Variants in ITIH5 observed in about 807,000 individuals in gnomAD.
ITIH5 encodes inter-alpha-trypsin inhibitor heavy chain H5.
A neutral mutation model predicts 77.5 loss-of-function variants in ITIH5; 65 were observed. The observed-to-expected ratio is 0.84, with a 90% CI of 0.69 to 1.03. ITIH5 has a LOEUF of 1.03. Ranked by LOEUF, ITIH5 falls within the 50% of genes least tolerant of loss-of-function variation. ITIH5 has a pLI of 0.00. For synonymous variants in ITIH5, 525 were observed against 494.3 expected (o/e 1.06, Z -0.82); for missense variants, 1,208 against 1,213.1 (o/e 1.00, Z 0.06).
chr10:7,602,240 T>C (rs1372831018), intron 7 of ITIH5, among the ~76,000 whole-genome samples: 3 of 152,188 alleles, frequency 2.0e-5, no homozygotes, highest in Non-Finnish European at 4.4e-5. Context: ...ACCACATCTG[T>C]TTTGGGGTCT....
intron 7 of ITIH5, among the ~76,000 whole-genome samples, chr10:7,589,214 T>C (rs1283860546): frequency 1.3e-5 from 2 of 152,164 alleles, no homozygotes; most frequent in East Asian, 1.9e-4. Flanking sequence ...TCCCAGCACT[T>C]TGGGAGGCTG....
At chr10:7,566,718 T>C (rs773041918) in intron 12 of ITIH5, among the ~76,000 whole-genome samples, 2 of 40,678 alleles carry the variant, frequency 4.9e-5, no homozygotes, top group Non-Finnish European at 8.6e-5. Context: ...TGAGATCCTA[T>C]CTCATTAAAA....
Position 7,562,954 on chromosome 10 carries a change from AC to A in ITIH5, c.*128del. Reference sequence around the variant, plus strand: ...CAGACAGACGTCGGATCTATGCTGCACCAGGGGTGGGTCATGGAGTCCAGCT... The same window carrying A: ...CAGACAGACGTCGGATCTATGCTGCACAGGGGTGGGTCATGGAGTCCAGCT... On this transcript the variant is annotated 3_prime_UTR_variant, in exon 14 of 14. Coordinates refer to ENST00000397146, the MANE Select transcript of ITIH5 (RefSeq NM_030569.7). The A allele has an allele frequency of 1.4e-6, 1 of 693,692 alleles. No homozygotes were observed. Among genetic ancestry groups the A allele is most frequent in the Non-Finnish European group, 2.5e-6 (1 of 392,768 alleles). 43.0% of individuals were successfully genotyped at this position (693,692 alleles called of 1,614,324 possible).
intron 6 of ITIH5, 112 bp from the exon 7 acceptor site, chr10:7,616,210 G>C (rs1833363968): frequency 1.5e-6 from 1 of 674,666 alleles, no homozygotes; most frequent in Admixed American, 2.3e-5. Flanking sequence ...AAAGAGTTTA[G>C]GGTGAGATTC....
intron 1 of ITIH5, among the ~76,000 whole-genome samples, chr10:7,666,142 T>G (rs1834357493): frequency 6.6e-6 from 1 of 152,260 alleles, no homozygotes; most frequent in African/African-American, 2.4e-5. Context: ...CGCTTCATAC[T>G]TTTTAAAGAC....
chr10:7,649,547 T>G (rs773368020), intron 2 of ITIH5, among the ~76,000 whole-genome samples: 7 of 152,122 alleles, frequency 4.6e-5, no homozygotes, highest in Admixed American at 2.6e-4. Context: ...GGTAGATAGA[T>G]AGATAGATAG....
At chr10:7,567,126 A>G (rs1413492999) in intron 12 of ITIH5, among the ~76,000 whole-genome samples, 5 of 151,850 alleles carry the variant, frequency 3.3e-5, no homozygotes, top group Non-Finnish European at 7.4e-5. Context: ...ATGTTGGGAT[A>G]GGGGAGAGAG....
In ITIH5 at chr10:7,601,566, G is replaced by A. The variant is rs543753720; in HGVS notation, c.939+14416C>T. 5.8e-4 allele frequency among the ~76,000 whole-genome samples: 88 copies of A among 152,208 alleles called. 2 individuals carry two copies. In the South Asian group the frequency reaches 0.017, roughly 30 times the overall value. ...TCTCAGCAGCATCGACCTCCCTCCT[G>A]GTATCCAGTAGCCAGCATCAAGCAG... is the stretch of plus-strand genomic sequence containing the variant. On this transcript the variant is annotated intron_variant, in intron 7 of 13. Transcript: ENST00000397146.
intron 8 of ITIH5, among the ~76,000 whole-genome samples, chr10:7,580,662 G>T (rs1832531802): frequency 6.6e-6 from 1 of 152,240 alleles, no homozygotes. Context: ...GAGCAGGAAG[G>T]TGTTGAGCAT....
At chr10:7,624,857 G>GTATATACATGTATATATGTA in intron 5 of ITIH5, among the ~76,000 whole-genome samples, 1 of 56,098 alleles carries the variant, frequency 1.8e-5, no homozygotes, top group Non-Finnish European at 3.4e-5. Context: ...ATATATATGT[G>GTATATACATGTATATATGTA]TATATATGTA....
intron 8 of ITIH5, among the ~76,000 whole-genome samples, chr10:7,584,452 C>T (rs1421162059): frequency 4.0e-5 from 6 of 151,892 alleles, no homozygotes; most frequent in South Asian, 4.2e-4. Flanking sequence ...TACAGGCACC[C>T]GCCACCACAC....
At chr10:7,628,887 G>T (rs1254617147) in intron 5 of ITIH5, among the ~76,000 whole-genome samples, 8 of 133,104 alleles carry the variant, frequency 6.0e-5, no homozygotes, top group African/African-American at 2.2e-4. Flanking sequence ...TGTAGCGTGT[G>T]TCCGTGTTGT....
chr10:7,585,890 G>A lies in ITIH5; in HGVS notation c.1108+11C>T, dbSNP rs1484934223. 6.4e-7 allele frequency: 1 copy of A among 1,571,038 alleles called. No individual in the cohort carries two copies. Among genetic ancestry groups the A allele is most frequent in the East Asian group, 2.3e-5 (1 of 44,258 alleles). On this transcript the variant is annotated intron_variant, in intron 8 of 13. Coordinates refer to ENST00000397146, the MANE Select transcript of ITIH5 (RefSeq NM_030569.7). ...AGCCAAGCCAATGTGAAAAGAAGGTGTCATCTTTACCTCCAGTGGGTGACA... is the reference window on the plus strand; with the variant it reads ...AGCCAAGCCAATGTGAAAAGAAGGTATCATCTTTACCTCCAGTGGGTGACA...
In ITIH5 at chr10:7,576,705, G is replaced by A; in HGVS notation, c.1726C>T (p.Leu576Phe). The change falls in exon 10 of 14, where the codon CTC becomes TTC. Residue 576 changes from leucine (L) to phenylalanine (F), a missense_variant. Physicochemically the swap from Leu to Phe is conservative, Grantham distance 22. Transcript: ENST00000397146. Reference sequence around the variant, plus strand: ...TCCTTTGTGGTGAGGTAGCTCCAGAGACGCTCGATGTGGTTGGTGTCCCCC... The same window carrying A: ...TCCTTTGTGGTGAGGTAGCTCCAGAAACGCTCGATGTGGTTGGTGTCCCCC... Reference protein sequence around the residue: ...GEGDTNHIERLWSYLTTKELL... With the variant: ...GEGDTNHIERFWSYLTTKELL... 6.2e-7 allele frequency: 1 copy of A among 1,614,110 alleles called. No homozygotes were observed. Among genetic ancestry groups the A allele is most frequent in the Non-Finnish European group, 8.5e-7 (1 of 1,180,014 alleles).
chr10:7,588,636 A>G (rs1003455412), intron 7 of ITIH5, among the ~76,000 whole-genome samples: 3 of 152,230 alleles, frequency 2.0e-5, no homozygotes, highest in African/African-American at 7.2e-5. Context: ...TGCTAAAGTA[A>G]TGTTCCTCCA....
intron 7 of ITIH5, among the ~76,000 whole-genome samples, chr10:7,614,462 T>G (rs1318323258): frequency 6.6e-6 from 1 of 152,158 alleles, no homozygotes; most frequent in Non-Finnish European, 1.5e-5. Flanking sequence ...TCTTAAAACA[T>G]CGTGAGATTT....
intron 4 of ITIH5, among the ~76,000 whole-genome samples, chr10:7,639,434 G>C (rs1414027136): frequency 1.3e-5 from 2 of 152,230 alleles, no homozygotes; most frequent in African/African-American, 2.4e-5. Flanking sequence ...GACCTTGGTT[G>C]CTTTTCTGTA....
chr10:7,641,842 G>C, intron 3 of ITIH5, 85 bp downstream of exon 3: 1 of 1,109,290 alleles, frequency 9.0e-7, no homozygotes, highest in Non-Finnish European at 1.3e-6. Flanking sequence ...AATCCTCACA[G>C]TCACAAGGCT....
chr10:7,637,259 G>A lies in ITIH5; in HGVS notation c.621C>T (p.Asn207=). Residue 207 remains asparagine (N), a synonymous_variant, in exon 5 of 14, where the codon AAC becomes AAT. Transcript: ENST00000397146. ...IASLEVLPLH[N]SRQRGSGRGE... ...CGCGCCCACTGCCCCTCTGCCTGCT[G>A]TTGTGAAGCGGCAGCACCTCCAGGG... is the stretch of plus-strand genomic sequence containing the variant. 1.9e-6 allele frequency: 3 copies of A among 1,610,716 alleles called. No homozygotes were observed. Among genetic ancestry groups the A allele is most frequent in the Non-Finnish European group, 2.5e-6 (3 of 1,179,992 alleles).
Sources: allele counts gnomAD v4.1 joint callset (sites outside exome capture counted in the v4.1 genomes callset), GRCh38; gene constraint gnomAD v4.1.1; transcripts MANE v1.5; gene names NCBI Gene and HGNC (gene_info 2026-07-23, HGNC 2026-07-21).